Variants in ARMC2 observed in about 807,000 individuals in gnomAD.
The protein encoded by ARMC2 is armadillo repeat containing 2.
In ARMC2, 67 loss-of-function variants were observed where a neutral mutation model predicts 90.3. The ratio of observed to expected loss-of-function variants is 0.74; its 90% confidence interval spans 0.61 to 0.91. ARMC2 has a LOEUF of 0.91. Ranked by LOEUF, ARMC2 falls within the 40% of genes least tolerant of loss-of-function variation. The pLI is 0.00. For missense variants in ARMC2, 920 were observed against 1,030.9 expected (o/e 0.89, Z 1.47); for synonymous variants, 393 against 393.0 (o/e 1.00, Z 0.00).
chr6:108,972,152 T>C (rs1778809759), intron 17 of ARMC2, among the ~76,000 whole-genome samples: 2 of 152,234 alleles, frequency 1.3e-5, no homozygotes, highest in Admixed American at 6.5e-5. Context: ...TCAGTGGTCA[T>C]TTATCTTCCT....
At chr6:108,953,012 T>G (rs1777298809) in intron 12 of ARMC2, 21 bp from the exon 13 acceptor site, 1 of 1,581,788 alleles carries the variant, frequency 6.3e-7, no homozygotes, top group Non-Finnish European at 8.6e-7. Flanking sequence ...CACTTTTGAC[T>G]CTGTCTTTCG....
chr6:108,988,561 C>T, the ARMC2 span: 1 of 1,610,616 alleles, frequency 6.2e-7, no homozygotes, highest in East Asian at 2.2e-5. Context: ...AGTGCTTGAA[C>T]TGCCTCCAGA....
At chr6:108,958,509 G>A (rs1406489021) in intron 13 of ARMC2, among the ~76,000 whole-genome samples, 1 of 152,164 alleles carries the variant, frequency 6.6e-6, no homozygotes, top group Non-Finnish European at 1.5e-5. Context: ...GCCCAAATGT[G>A]TGGTCCTTCG....
chr6:108,925,760 A>G (rs1775050209), intron 10 of ARMC2, among the ~76,000 whole-genome samples: 1 of 152,192 alleles, frequency 6.6e-6, no homozygotes, highest in South Asian at 2.1e-4. Context: ...AATGTATGGT[A>G]TATGTTTCAT....
chr6:108,938,599 C>CGT (rs77062303), intron 12 of ARMC2, among the ~76,000 whole-genome samples: 1 of 83,104 alleles, frequency 1.2e-5, no homozygotes, highest in African/African-American at 4.5e-5. Flanking sequence ...CCATTACTAC[C>CGT]TTTTTTTTTT....
At chr6:109,051,765 G>A in the ARMC2 span, among the ~76,000 whole-genome samples, 5 of 152,142 alleles carry the variant, frequency 3.3e-5, no homozygotes, top group Non-Finnish European at 5.9e-5. Flanking sequence ...CAGTTCTGGA[G>A]GCTGGAAAGT....
the ARMC2 span, among the ~76,000 whole-genome samples, chr6:109,027,733 G>A: frequency 2.6e-5 from 4 of 152,088 alleles, no homozygotes; most frequent in Non-Finnish European, 4.4e-5. Flanking sequence ...ACAGCTCCCC[G>A]TCCCACAACA....
the ARMC2 span, chr6:109,008,706 T>C: frequency 1.3e-5 from 11 of 878,072 alleles, no homozygotes; most frequent in Non-Finnish European, 1.5e-5. Context: ...GGTTTCCTAT[T>C]TGCAACCACT....
chr6:108,922,976 T>G (rs1774733137), intron 10 of ARMC2: 1 of 152,248 alleles, frequency 6.6e-6, no homozygotes, highest in South Asian at 2.1e-4. Flanking sequence ...GAAACTTACA[T>G]TTGTATTAGT....
At chr6:108,938,958 T>C (rs1776209162) in intron 12 of ARMC2, among the ~76,000 whole-genome samples, 2 of 152,108 alleles carry the variant, frequency 1.3e-5, no homozygotes, top group South Asian at 4.1e-4. Context: ...TTTTTCTAGT[T>C]TGAGTAACTA....
At chr6:108,988,881 G>C in the ARMC2 span, among the ~76,000 whole-genome samples, 1 of 152,146 alleles carries the variant, frequency 6.6e-6, no homozygotes, top group African/African-American at 2.4e-5. Flanking sequence ...AGTACTTAGG[G>C]AGACTAACAT....
chr6:108,944,487 C>T (rs1477303952), intron 12 of ARMC2, among the ~76,000 whole-genome samples: 1 of 152,186 alleles, frequency 6.6e-6, no homozygotes, highest in Non-Finnish European at 1.5e-5. Context: ...GAGATGGGCA[C>T]AGGCTCTACT....
intron 17 of ARMC2, among the ~76,000 whole-genome samples, chr6:108,970,158 T>C (rs1213371723): frequency 6.6e-6 from 1 of 152,244 alleles, no homozygotes; most frequent in Admixed American, 6.5e-5. Flanking sequence ...TATGTTGCTG[T>C]GTTTACTTTG....
At chr6:108,942,654 T>G (rs1776537620) in intron 12 of ARMC2, among the ~76,000 whole-genome samples, 1 of 152,168 alleles carries the variant, frequency 6.6e-6, no homozygotes, top group Non-Finnish European at 1.5e-5. Flanking sequence ...TAACTTGGGT[T>G]GTAGAGAAAT....
At chr6:109,009,039 G>A in the ARMC2 span, 10 of 978,360 alleles carry the variant, frequency 1.0e-5, no homozygotes, top group East Asian at 5.7e-4. Context: ...GACTTGTCCA[G>A]ACGACAATGT....
chr6:108,923,729 A>G (rs555711442), intron 10 of ARMC2, among the ~76,000 whole-genome samples: 1 of 151,676 alleles, frequency 6.6e-6, no homozygotes, highest in African/African-American at 2.4e-5. Flanking sequence ...GTTGGTGACA[A>G]GTCTCTCAAG....
chr6:108,916,266 C>T (rs1773957096), intron 10 of ARMC2, among the ~76,000 whole-genome samples: 1 of 152,160 alleles, frequency 6.6e-6, no homozygotes, highest in South Asian at 2.1e-4. Context: ...ATGAGTAAGA[C>T]AGGAGAGCTG....
chr6:109,045,765 C>T, the ARMC2 span, among the ~76,000 whole-genome samples: 1 of 152,214 alleles, frequency 6.6e-6, no homozygotes. Flanking sequence ...TATACCATAA[C>T]TGCCTGTTTA....
In ARMC2 at chr6:108,878,300, A is replaced by G. The variant is rs1777133887; in HGVS notation, c.671+1950A>G. ...CCTCAATTAACATTTTTTCATCTTT[A>G]GACCATAAAGTGGCAATTGTCAGTG... On this transcript the variant is annotated intron_variant, in intron 5 of 17. Coordinates refer to ENST00000392644, the MANE Select transcript of ARMC2 (RefSeq NM_032131.6). Among the ~76,000 whole-genome samples the G allele has an allele frequency of 3.3e-5, 5 of 152,158 alleles. No individual in the cohort carries two copies. The South Asian group carries it at 8.3e-4, about 25-fold the overall frequency.
Sources: allele counts gnomAD v4.1 joint callset (sites outside exome capture counted in the v4.1 genomes callset), GRCh38; gene constraint gnomAD v4.1.1; transcripts MANE v1.5; gene names NCBI Gene and HGNC (gene_info 2026-07-23, HGNC 2026-07-21).